Variants in SYNE1 observed in about 807,000 individuals in gnomAD.
SYNE1 encodes nesprin-1.
SYNE1 carries 616 observed loss-of-function variants against 1,111.0 expected under a neutral mutation model. The observed-to-expected ratio is 0.55, with a 90% confidence interval of 0.52 to 0.59. The LOEUF (loss-of-function observed/expected upper bound fraction) is 0.59. SYNE1 is among the 20% of genes least tolerant of loss of function. The probability of loss-of-function intolerance (pLI) is 0.00; values close to 1 mark genes in which losing one functional copy is unlikely to be tolerated. For synonymous variants in SYNE1, 3,855 were observed against 3,825.8 expected, an observed-to-expected ratio of 1.01 and a Z score of -0.28; for missense variants, 10,006 against 10,417.0, an observed-to-expected ratio of 0.96 and a Z score of 1.72.
Position 152,269,135 on chromosome 6 carries a change from A to G in SYNE1, c.18705+20T>C, listed in dbSNP as rs779793597. 1 of 1,614,182 alleles carries G rather than the reference A, an allele frequency of 6.2e-7. No homozygotes were observed. Among genetic ancestry groups the G allele is most frequent in the South Asian group, 1.1e-5 (1 of 91,086 alleles). ...CTCTGGGCAGATCTGCAAGCTAGAG[A>G]GAGGTAGGAAACACTTTACTTTTTG... On this transcript the variant is annotated intron_variant, in intron 99 of 145. Transcript: ENST00000367255.
chr6:152,152,180 C>A (rs372326335), intron 133 of SYNE1, 39 bp from the exon 134 acceptor site: 2 of 1,590,580 alleles, frequency 1.3e-6, no homozygotes, highest in African/African-American at 2.7e-5. Flanking sequence ...GAGAAATCAG[C>A]GAAGGACTCT....
At chr6:152,126,461 C>A (rs2053485599) in intron 145 of SYNE1, 1 of 152,206 alleles carries the variant, frequency 6.6e-6, no homozygotes, top group Non-Finnish European at 1.5e-5. Context: ...ACCCACTGGT[C>A]ATTCTCCTCT....
chr6:152,330,255 A>C lies in SYNE1; in HGVS notation c.14430T>G (p.Pro4810=), dbSNP rs2096214049. 1.2e-6 allele frequency: 2 copies of C among 1,614,172 alleles called. No homozygotes were observed. The highest frequency in any genetic ancestry group is 1.7e-6 in the Non-Finnish European group (2 of 1,180,034). ...GATACATTTTGAGCTTCTCCTCTGC[A>C]GGCAGCGTTTCCTCATTCACTTTGG... ...EQSKVNEETL[P]AEEKLKMYHS... The change falls in exon 78 of 146, where the codon CCT becomes CCG. Residue 4810 remains proline (P), a synonymous_variant. Coordinates refer to ENST00000367255, the MANE Select transcript of SYNE1 (RefSeq NM_182961.4).
chr6:152,184,844 T>C (rs2069339860), intron 128 of SYNE1, among the ~76,000 whole-genome samples: 2 of 152,182 alleles, frequency 1.3e-5, no homozygotes, highest in Admixed American at 6.5e-5. Flanking sequence ...ATCTTCCTTC[T>C]GGTTTGTACA....
chr6:152,126,565 T>C (rs2053522510), intron 145 of SYNE1: 1 of 152,286 alleles, frequency 6.6e-6, no homozygotes, highest in Admixed American at 6.5e-5. Flanking sequence ...TCAATACAGA[T>C]ATATCAGATA....
At chr6:152,533,742 T>A (rs1034355891) in intron 4 of SYNE1, among the ~76,000 whole-genome samples, 4 of 152,204 alleles carry the variant, frequency 2.6e-5, no homozygotes, top group Non-Finnish European at 4.4e-5. Context: ...GGATATAAGC[T>A]TCATAATGAG....
intron 109 of SYNE1, among the ~76,000 whole-genome samples, chr6:152,236,520 T>C (rs542277959): frequency 3.6e-4 from 54 of 152,058 alleles, no homozygotes; most frequent in Non-Finnish European, 7.1e-4. Flanking sequence ...GTAATGACTT[T>C]AGGTGGATTT....
intron 128 of SYNE1, among the ~76,000 whole-genome samples, chr6:152,185,690 G>A (rs2813514): frequency 6.6e-6 from 1 of 152,082 alleles, no homozygotes; most frequent in Non-Finnish European, 1.5e-5. Flanking sequence ...TCTTTTTAAC[G>A]TCTTAGTCTC....
rs749705760 is a variant in SYNE1, at chr6:152,465,952, C to G, written c.1729+30G>C. ...AGGCTCTAAATTCTACTGCAGTCTACGTTGCAACAAATTCTGTAGTATGTT... is the reference window on the plus strand; with the variant it reads ...AGGCTCTAAATTCTACTGCAGTCTAGGTTGCAACAAATTCTGTAGTATGTT... On this transcript the variant is annotated intron_variant, in intron 17 of 145. Coordinates refer to ENST00000367255, the MANE Select transcript of SYNE1 (RefSeq NM_182961.4). 2.0e-6 allele frequency: 3 copies of G among 1,483,322 alleles called. No homozygotes were observed. In the South Asian group the frequency reaches 3.4e-5, roughly 17 times the overall value. The allele number at this position is 1,483,322 out of a possible 1,614,324, so 91.9% of individuals were successfully genotyped here. A position where few individuals can be genotyped will look rare whatever the true frequency, so the allele number is the denominator to read the frequency against.
At chr6:152,499,531 T>C (rs1243405940) in intron 10 of SYNE1, among the ~76,000 whole-genome samples, 1 of 151,948 alleles carries the variant, frequency 6.6e-6, no homozygotes, top group African/African-American at 2.4e-5. Context: ...TTTAAAAAAA[T>C]GAATTAAGAG....
chr6:152,471,846 C>T (rs2098807418), intron 15 of SYNE1, 81 bp from the exon 16 acceptor site: 25 of 1,411,410 alleles, frequency 1.8e-5, no homozygotes, highest in Non-Finnish European at 2.3e-5. Context: ...TACATGTCAG[C>T]CTTAAATAGA....
At chr6:152,486,410 C>T (rs1449739079) in intron 12 of SYNE1, among the ~76,000 whole-genome samples, 1 of 152,116 alleles carries the variant, frequency 6.6e-6, no homozygotes, top group African/African-American at 2.4e-5. Flanking sequence ...AGACTCTAAA[C>T]CCATTTTTAT....
At chr6:152,328,380 T>TTTTTTTTATTTATTTATTTA (rs1554460766) in intron 78 of SYNE1, among the ~76,000 whole-genome samples, 2 of 137,512 alleles carry the variant, frequency 1.5e-5, no homozygotes, top group African/African-American at 5.8e-5. Flanking sequence ...TCTTATTTTA[T>TTTTTTTTATTTATTTATTTA]TTTATTTATT....
chr6:152,148,404 G>C lies in SYNE1; in HGVS notation c.24643-26C>G. 2 of 1,606,262 alleles carry C rather than the reference G, an allele frequency of 1.2e-6. No homozygotes were observed. Among genetic ancestry groups the C allele is most frequent in the Non-Finnish European group, 1.7e-6 (2 of 1,176,428 alleles). On this transcript the variant is annotated intron_variant, in intron 136 of 145. Coordinates refer to ENST00000367255, the MANE Select transcript of SYNE1 (RefSeq NM_182961.4). This position sits in a 1 kb window ranked among gnomAD's most constrained non-coding sequence, Gnocchi z 4.1. ...CTAGAAGGGAAGTCAAGGCAACCCT[G>C]TCACTGTAGTGGTCAGACTAGCTTC... is the stretch of plus-strand genomic sequence containing the variant.
chr6:152,580,260 T>C (rs1035761723), intron 3 of SYNE1, among the ~76,000 whole-genome samples: 4 of 152,248 alleles, frequency 2.6e-5, no homozygotes, highest in African/African-American at 7.2e-5. Flanking sequence ...ATTTTTCTGA[T>C]GATGAGTGAT....
At chr6:152,477,787 T>C (rs1325540407) in intron 14 of SYNE1, among the ~76,000 whole-genome samples, 1 of 152,062 alleles carries the variant, frequency 6.6e-6, no homozygotes, top group African/African-American at 2.4e-5. Flanking sequence ...ACCAGAAAGG[T>C]ACAGCCAGGG....
intron 90 of SYNE1, 101 bp from the exon 91 acceptor site, chr6:152,308,733 A>AAAT: frequency 2.3e-6 from 3 of 1,297,808 alleles, no homozygotes; most frequent in Non-Finnish European, 3.1e-6. Flanking sequence ...CTGTACAGGT[A>AAAT]GGGAATAAAG....
Position 152,255,728 on chromosome 6 carries a change from G to C in SYNE1, c.19123C>G (p.Gln6375Glu). ...VSSQSGGAKR[Q>E]SIHLEQKLYD... ...AACTTCTGCTCCAAGTGTATACTCT[G>C]CCTCTTTGCCCCTCCACTCTGGGAA... Residue 6375 changes from glutamine (Q) to glutamate (E), a missense_variant, in exon 103 of 146, where the codon CAG becomes GAG. Transcript: ENST00000367255. 1 of 1,614,156 alleles carries C rather than the reference G, an allele frequency of 6.2e-7. No individual in the cohort carries two copies. The highest frequency in any genetic ancestry group is 8.5e-7 in the Non-Finnish European group (1 of 1,180,022).
At chr6:152,251,998 AG>A (rs1276772412) in intron 104 of SYNE1, among the ~76,000 whole-genome samples, 2 of 27,538 alleles carry the variant, frequency 7.3e-5, no homozygotes, top group African/African-American at 1.3e-4. Flanking sequence ...GTCCGGGCAC[AG>A]TGGTTCATGC....
Sources: gnomAD v4.1 joint callset for allele counts (sites outside exome capture counted in the v4.1 genomes callset) on GRCh38, gnomAD v4.1.1 for gene constraint, Gnocchi (gnomAD v3.1) non-coding constraint, MANE v1.5 for transcripts, NCBI Gene and HGNC (gene_info 2026-07-23, HGNC 2026-07-21) for gene names.